YTHDF1: variants seen among roughly 807,000 people sequenced by gnomAD.
The protein encoded by YTHDF1 is YTH domain-containing family protein 1.
Under a neutral mutation model 49.1 loss-of-function variants are expected in YTHDF1, and 16 were observed. That is an observed-to-expected ratio of 0.33 (90% CI 0.22 to 0.49). The LOEUF (loss-of-function observed/expected upper bound fraction) is 0.49. YTHDF1 is among the 20% of genes least tolerant of loss of function. The pLI, the probability that YTHDF1 is intolerant of heterozygous loss-of-function variation, is 0.99. For synonymous variants in YTHDF1, 313 were observed against 290.1 expected (o/e 1.08, Z -0.80); for missense variants, 621 against 744.3 (o/e 0.83, Z 1.93).
rs557962241 is a variant in YTHDF1 at position 63,202,460 on chromosome 20, G to A, written c.1480C>T (p.Leu494=). Residue 494 remains leucine (L), a synonymous_variant, in exon 4 of 5, where the codon CTG becomes TTG. Coordinates refer to ENST00000370339, the MANE Select transcript of YTHDF1 (RefSeq NM_017798.4). ...VPNNQLRHIR[L]ENNDNKPVTN... ...ACCGGTTTGTTGTCGTTATTCTCCA[G>A]CCTGATGTGCCGGAGCTGGTTATTG... The A allele has an allele frequency of 7.4e-6, 12 of 1,614,276 alleles. No homozygotes were observed. In the South Asian group the frequency reaches 1.3e-4, roughly 18 times the overall value.
At chr20:63,199,560 G>A (rs1466187183) in intron 4 of YTHDF1, among the ~76,000 whole-genome samples, 10 of 151,422 alleles carry the variant, frequency 6.6e-5, no homozygotes, top group Admixed American at 5.9e-4. Context: ...GACTCTTCAT[G>A]GGAAACCCAG....
intron 3 of YTHDF1, among the ~76,000 whole-genome samples, chr20:63,208,154 T>C (rs893808680): frequency 2.6e-5 from 4 of 151,886 alleles, no homozygotes; most frequent in Non-Finnish European, 4.4e-5. Context: ...TTTTCTGAGA[T>C]GGAGTTGGAA....
Position 63,202,864 on chromosome 20 carries a change from G to A in YTHDF1, c.1076C>T (p.Ala359Val), listed in dbSNP as rs867596705. The A allele has an allele frequency of 6.2e-7, 1 of 1,613,932 alleles. No homozygotes were observed. The highest frequency in any genetic ancestry group is 8.5e-7 in the Non-Finnish European group (1 of 1,180,056). The change falls in exon 4 of 5, where the codon GCC becomes GTC. Residue 359 changes from alanine to valine, a missense_variant. Ala to Val is a moderately conservative substitution (Grantham distance 64, BLOSUM62 0). This residue lies in a region of YTHDF1 where 470 missense variants were observed against 495.8 expected (regional missense o/e 0.95). Transcript: ENST00000370339. ...NSPGNVQPNS[A>V]PSVESHPVLE... is the part of the protein sequence containing the mutation. Reference sequence around the variant, plus strand: ...GACGGGGTGGGATTCGACGCTGGGGGCAGAATTAGGCTGGACGTTTCCAGG... The same window carrying A: ...GACGGGGTGGGATTCGACGCTGGGGACAGAATTAGGCTGGACGTTTCCAGG...
intron 4 of YTHDF1, among the ~76,000 whole-genome samples, chr20:63,201,650 TA>T (rs1366736504): frequency 2.0e-5 from 3 of 152,244 alleles, no homozygotes; most frequent in Admixed American, 6.5e-5. Context: ...TTTGTCATTA[TA>T]AAATGTCTGG....
intron 3 of YTHDF1, among the ~76,000 whole-genome samples, chr20:63,209,598 C>T (rs2066564314): frequency 6.6e-6 from 1 of 152,084 alleles, no homozygotes; most frequent in South Asian, 2.1e-4. Flanking sequence ...AGTGAGACCC[C>T]ATCTCTACAA....
chr20:63,213,424 C>T (rs1357197185), intron 3 of YTHDF1, among the ~76,000 whole-genome samples: 5 of 152,158 alleles, frequency 3.3e-5, no homozygotes, highest in African/African-American at 1.2e-4. Flanking sequence ...AAGAGTGAGA[C>T]GCTGTCTCAA....
chr20:63,201,920 G>A (rs925544447), intron 4 of YTHDF1, among the ~76,000 whole-genome samples: 4 of 152,272 alleles, frequency 2.6e-5, no homozygotes, highest in Admixed American at 2.0e-4. Context: ...CGGAGGCTGG[G>A]AAGCACTGTT....
chr20:63,207,055 G>A (rs1804969481), intron 3 of YTHDF1, among the ~76,000 whole-genome samples: 1 of 152,236 alleles, frequency 6.6e-6, no homozygotes, highest in African/African-American at 2.4e-5. Context: ...CCAGGCACAG[G>A]TTCAGCGCTC....
At chr20:63,215,514 G>T in intron 2 of YTHDF1, 63 bp downstream of exon 2, 1 of 1,609,330 alleles carries the variant, frequency 6.2e-7, no homozygotes, top group Non-Finnish European at 8.5e-7. Flanking sequence ...CAGCTTCCTG[G>T]ACCGTTCCTT....
chr20:63,197,404 G>T (rs1245142599), intron 4 of YTHDF1, among the ~76,000 whole-genome samples: 1 of 152,274 alleles, frequency 6.6e-6, no homozygotes, highest in African/African-American at 2.4e-5. Flanking sequence ...GCCCACTCCC[G>T]TAAGAGAATC....
Position 63,196,551 on chromosome 20 carries a change from T to A in YTHDF1, c.*157A>T. ...TTATAATACATAGAAAAAGTACAAA[T>A]AAATGCAGATCCATCTGGGCAAAAA... On this transcript the variant is annotated 3_prime_UTR_variant, in exon 5 of 5. Coordinates refer to ENST00000370339, the MANE Select transcript of YTHDF1 (RefSeq NM_017798.4). The A allele has an allele frequency of 7.8e-6, 6 of 774,056 alleles. No individual in the cohort carries two copies. Among genetic ancestry groups the A allele is most frequent in the Non-Finnish European group, 1.1e-5 (5 of 471,954 alleles). The allele number at this position is 774,056 out of a possible 1,614,324, so 47.9% of individuals were successfully genotyped here. A position where few individuals can be genotyped will look rare whatever the true frequency, so the allele number is the denominator to read the frequency against.
chr20:63,214,251 A>G (rs1240268737), intron 2 of YTHDF1: 7 of 442,058 alleles, frequency 1.6e-5, no homozygotes, highest in African/African-American at 4.3e-5. Flanking sequence ...ATGGTCTAAG[A>G]AGACTTATGT....
At chr20:63,215,442 CACA>C (rs2122997122) in intron 2 of YTHDF1, 132 bp downstream of exon 2, 1 of 1,213,932 alleles carries the variant, frequency 8.2e-7, no homozygotes, top group Admixed American at 2.0e-5. Context: ...AGAATCGTCG[CACA>C]ACCTCAAGTT....
Position 63,196,696 on chromosome 20 carries a change from A to G in YTHDF1, c.*12T>C. The G allele has an allele frequency of 6.2e-7, 1 of 1,613,658 alleles. No individual in the cohort carries two copies. The highest frequency in any genetic ancestry group is 1.1e-5 in the South Asian group (1 of 90,994). ...AGTCAAACGTTAGAACATGTAAGAA[A>G]CTGGTTCGCCCTCATTGTTTGTTTC... On this transcript the variant is annotated 3_prime_UTR_variant, in exon 5 of 5. Coordinates refer to ENST00000370339, the MANE Select transcript of YTHDF1 (RefSeq NM_017798.4).
Position 63,196,224 on chromosome 20 carries a change from AGAT to A in YTHDF1, c.*481_*483del, listed in dbSNP as rs760151391. 1 of 152,534 alleles carries A rather than the reference AGAT, an allele frequency of 6.6e-6. No homozygotes were observed. Among genetic ancestry groups the A allele is most frequent in the South Asian group, 2.1e-4 (1 of 4,846 alleles). The allele number at this position is 152,534 out of a possible 1,614,324, so 9.4% of individuals were successfully genotyped here. A position where few individuals can be genotyped will look rare whatever the true frequency, so the allele number is the denominator to read the frequency against. On this transcript the variant is annotated 3_prime_UTR_variant, in exon 5 of 5. Transcript: ENST00000370339. ...TAAATTAGCACTTTAGACCGATAAC[AGAT>A]AATAAAATGACAAATCAGAATGAAC...
chr20:63,198,848 G>A (rs990278179), intron 4 of YTHDF1, among the ~76,000 whole-genome samples: 1 of 152,210 alleles, frequency 6.6e-6, no homozygotes, highest in Non-Finnish European at 1.5e-5. Flanking sequence ...ACTAAGCAAT[G>A]CTCACAGTGT....
chr20:63,205,501 T>C (rs759151905), intron 3 of YTHDF1, among the ~76,000 whole-genome samples: 12 of 147,750 alleles, frequency 8.1e-5, no homozygotes, highest in Non-Finnish European at 1.5e-4. Context: ...GAGCAGACAA[T>C]TCCAGAACCC....
At chr20:63,215,537 C>A (rs776297612) in intron 2 of YTHDF1, 40 bp downstream of exon 2, 2 of 1,613,530 alleles carry the variant, frequency 1.2e-6, no homozygotes, top group South Asian at 2.2e-5. Context: ...CCGTCCTCCT[C>A]CACTCCAGCC....
Position 63,213,864 on chromosome 20 carries a change from C to T in YTHDF1, c.132G>A (p.Gln44=). Residue 44 remains glutamine (Q), a splice_region_variant and synonymous_variant, in exon 3 of 5, where the codon CAG becomes CAA. Coordinates refer to ENST00000370339, the MANE Select transcript of YTHDF1 (RefSeq NM_017798.4). The part of the protein sequence containing the change: ...FEPYLTGQSN[Q]SNSYPSMSDP... ...ATATATGCTAACAAAATAAACTCAC[C>T]TGATTTGACTGTCCAGTAAGGTAGG... 1.3e-6 allele frequency: 2 copies of T among 1,599,714 alleles called. No homozygotes were observed. The highest frequency in any genetic ancestry group is 1.8e-5 in the Admixed American group (1 of 55,806).
Sources: allele counts gnomAD v4.1 joint callset (sites outside exome capture counted in the v4.1 genomes callset), GRCh38; gene constraint gnomAD v4.1.1; regional missense constraint gnomAD v4.1.1; transcripts MANE v1.5; gene names NCBI Gene and HGNC (gene_info 2026-07-23, HGNC 2026-07-21).